Variants in CHD9 observed in about 807,000 individuals in gnomAD.
The protein encoded by CHD9 is chromodomain helicase DNA binding protein 9.
In CHD9, 77 loss-of-function variants were observed where a neutral mutation model predicts 316.1. The ratio of observed to expected loss-of-function variants is 0.24; its 90% CI spans 0.20 to 0.29. The LOEUF is 0.29. Ranked by LOEUF, CHD9 falls within the 10% of genes least tolerant of loss-of-function variation. CHD9 has a pLI of 1.00. For synonymous variants in CHD9, 1,129 were observed against 1,158.3 expected (o/e 0.97, Z 0.51); for missense variants, 2,763 against 3,438.1 (o/e 0.80, Z 4.91).
intron 2 of CHD9, among the ~76,000 whole-genome samples, chr16:53,192,586 A>C (rs2152830240): frequency 6.6e-6 from 1 of 152,324 alleles, no homozygotes; most frequent in Middle Eastern, 3.4e-3. Flanking sequence ...ACCTTACCAT[A>C]ATCAAGACAC....
At chr16:53,123,156 C>G (rs886462182) in intron 1 of CHD9, among the ~76,000 whole-genome samples, 1 of 147,900 alleles carries the variant, frequency 6.8e-6, no homozygotes, top group Non-Finnish European at 1.5e-5. Context: ...AGCCACCACG[C>G]CCGGCCTGGA....
intron 1 of CHD9, among the ~76,000 whole-genome samples, chr16:53,057,198 C>T (rs1427759266): frequency 2.0e-5 from 3 of 151,274 alleles, no homozygotes; most frequent in East Asian, 1.9e-4. Flanking sequence ...TGTTTGTGGC[C>T]GGGTGTGGTG....
chr16:53,234,301 G>A (rs562227821), intron 10 of CHD9, among the ~76,000 whole-genome samples: 3 of 152,070 alleles, frequency 2.0e-5, no homozygotes, highest in Non-Finnish European at 2.9e-5. Flanking sequence ...TATAAATAAA[G>A]ACAGTTTGTT....
chr16:53,133,519 G>A (rs1028969478), intron 1 of CHD9, among the ~76,000 whole-genome samples: 4 of 152,072 alleles, frequency 2.6e-5, no homozygotes, highest in Non-Finnish European at 4.4e-5. Flanking sequence ...AGAGAGAATC[G>A]GGACTTTGTC....
chr16:53,138,396 A>G (rs2039873102), intron 1 of CHD9, among the ~76,000 whole-genome samples: 1 of 152,236 alleles, frequency 6.6e-6, no homozygotes, highest in Non-Finnish European at 1.5e-5. Context: ...TTGAAATGAA[A>G]TGGATTTGGT....
chr16:53,247,251 G>C, intron 15 of CHD9, 42 bp from the exon 16 acceptor site: 1 of 1,388,372 alleles, frequency 7.2e-7, no homozygotes, highest in Non-Finnish European at 1.0e-6. Flanking sequence ...GGAATTTCCT[G>C]CATTTGCACA....
intron 1 of CHD9, among the ~76,000 whole-genome samples, chr16:53,055,792 G>A (rs1303138253): frequency 6.6e-6 from 1 of 152,140 alleles, no homozygotes; most frequent in African/African-American, 2.4e-5. Flanking sequence ...ACCCCCCACA[G>A]TAGGGCTGGT....
chr16:53,235,218 G>T lies in CHD9; in HGVS notation c.2545G>T (p.Asp849Tyr). Residue 849 changes from aspartate (D) to tyrosine (Y), a missense_variant, in exon 11 of 39, where the codon GAT becomes TAT. By Grantham distance (160) the Asp-to-Tyr change is radical. This residue lies in a region of CHD9 where 186 missense variants were observed against 245.0 expected (regional missense o/e 0.76). Transcript: ENST00000447540. ...TCCTTCTAATATTTGGAAGAAAATA[G>T]ATCAATCCAGGGACTATAAAAATGG... ...RPPSNIWKKI[D>Y]QSRDYKNGNQ... 1 of 1,553,072 alleles carries T rather than the reference G, an allele frequency of 6.4e-7. No individual in the cohort carries two copies. The highest frequency in any genetic ancestry group is 8.7e-7 in the Non-Finnish European group (1 of 1,146,090).
intron 7 of CHD9, among the ~76,000 whole-genome samples, chr16:53,228,369 A>C (rs2047841435): frequency 6.7e-6 from 1 of 149,882 alleles, no homozygotes; most frequent in Non-Finnish European, 1.5e-5. Context: ...TTTTTTCCTG[A>C]TCTTTAGGTT....
intron 10 of CHD9, 84 bp downstream of exon 10, chr16:53,231,868 T>C: frequency 1.6e-6 from 2 of 1,248,710 alleles, no homozygotes; most frequent in Non-Finnish European, 2.2e-6. Flanking sequence ...ATATAATGTT[T>C]TACTTTCATT....
chr16:53,307,572 A>T (rs2056098628), intron 32 of CHD9, 109 bp from the exon 33 acceptor site: 4 of 908,332 alleles, frequency 4.4e-6, no homozygotes, highest in Non-Finnish European at 3.3e-6. Flanking sequence ...TGCATAGCAC[A>T]TACACATATG....
chr16:53,200,666 G>C (rs556372268), intron 2 of CHD9, among the ~76,000 whole-genome samples: 1 of 152,152 alleles, frequency 6.6e-6, no homozygotes, highest in Non-Finnish European at 1.5e-5. Flanking sequence ...AAGAATCAAT[G>C]AATGCTAGAA....
At chr16:53,208,548 T>G (rs2152867493) in intron 2 of CHD9, 1 of 1,039,038 alleles carries the variant, frequency 9.6e-7, no homozygotes. Flanking sequence ...TGAGCAATTC[T>G]AAACCCTCCT....
intron 1 of CHD9, among the ~76,000 whole-genome samples, chr16:53,125,186 ACTGTC>A (rs1008181593): frequency 5.4e-5 from 8 of 148,886 alleles, no homozygotes; most frequent in Non-Finnish European, 8.9e-5. Flanking sequence ...TCAGATACAG[ACTGTC>A]CTTACCTTAT....
intron 22 of CHD9, among the ~76,000 whole-genome samples, chr16:53,272,716 A>T (rs1480711935): frequency 6.6e-6 from 1 of 152,190 alleles, no homozygotes; most frequent in Non-Finnish European, 1.5e-5. Flanking sequence ...TGAAAACTTA[A>T]ATACTAAATA....
intron 4 of CHD9, among the ~76,000 whole-genome samples, chr16:53,226,068 A>T (rs1236379187): frequency 6.6e-6 from 1 of 152,064 alleles, no homozygotes; most frequent in Non-Finnish European, 1.5e-5. Flanking sequence ...CTGTGAAATA[A>T]TTTTTTTAAA....
chr16:53,067,445 A>T (rs1287806290), intron 1 of CHD9, among the ~76,000 whole-genome samples: 1 of 152,078 alleles, frequency 6.6e-6, no homozygotes, highest in Non-Finnish European at 1.5e-5. Flanking sequence ...TTACATTTAT[A>T]TCTTTTTTTT....
intron 33 of CHD9, 27 bp from the exon 34 acceptor site, chr16:53,308,659 G>T: frequency 6.4e-7 from 1 of 1,569,844 alleles, no homozygotes; most frequent in Non-Finnish European, 8.7e-7. Flanking sequence ...AACAGTTTCT[G>T]TCTTAATAAT....
At chr16:53,300,686 G>T (rs767784625) in intron 30 of CHD9, among the ~76,000 whole-genome samples, 3 of 152,226 alleles carry the variant, frequency 2.0e-5, no homozygotes, top group African/African-American at 4.8e-5. Flanking sequence ...AATCAAACAT[G>T]GTTCCATTTG....
Sources: gnomAD v4.1 joint callset for allele counts (sites outside exome capture counted in the v4.1 genomes callset) on GRCh38, gnomAD v4.1.1 for gene constraint, gnomAD v4.1.1 regional missense constraint, MANE v1.5 for transcripts, NCBI Gene and HGNC (gene_info 2026-07-23, HGNC 2026-07-21) for gene names.